Variants in KIAA0753 observed in about 807,000 individuals in gnomAD.
The protein encoded by KIAA0753 is KIAA0753, also known as protein moonraker.
KIAA0753 carries 114 observed loss-of-function variants against 116.9 expected under a neutral mutation model. The observed-to-expected ratio is 0.98, with a 90% confidence interval of 0.84 to 1.14. KIAA0753 has a LOEUF of 1.14. Among genes scored for constraint, KIAA0753 ranks in the 50% most tolerant of loss-of-function variants. The probability of loss-of-function intolerance (pLI) is 0.00; values close to 1 mark genes in which losing one functional copy is unlikely to be tolerated. For synonymous variants in KIAA0753, 405 were observed against 413.1 expected, an observed-to-expected ratio of 0.98 and a Z score of 0.24; for missense variants, 1,156 against 1,172.4, an observed-to-expected ratio of 0.99 and a Z score of 0.20.
chr17:6,591,943 T>C (rs1049445999), intron 16 of KIAA0753, among the ~76,000 whole-genome samples: 3 of 152,244 alleles, frequency 2.0e-5, no homozygotes, highest in African/African-American at 4.8e-5. Context: ...TTGAGAGAGA[T>C]GAGACACCTT....
At chr17:6,624,719 G>T in intron 4 of KIAA0753, 36 bp downstream of exon 4, 1 of 1,370,086 alleles carries the variant, frequency 7.3e-7, no homozygotes. Context: ...CAGTACACAA[G>T]GCTGACTGCC....
Position 6,607,186 on chromosome 17 carries a change from T to C in KIAA0753, c.1914A>G (p.Lys638=). ...LKAKEIDSMQ[K]QRLDWLDAET... ...ACTCAGAAGCAAATATTTACCTCTG[T>C]TTTTGCATGCTGTCAATTTCCTTGG... Residue 638 remains lysine, a synonymous_variant, in exon 11 of 19, where the codon AAA becomes AAG. Coordinates refer to ENST00000361413, the MANE Select transcript of KIAA0753 (RefSeq NM_014804.3). 6.2e-7 allele frequency: 1 copy of C among 1,613,494 alleles called. No homozygotes were observed. The highest frequency in any genetic ancestry group is 8.5e-7 in the Non-Finnish European group (1 of 1,179,392).
chr17:6,585,320 T>A (rs1053926183), intron 18 of KIAA0753, among the ~76,000 whole-genome samples: 4 of 152,248 alleles, frequency 2.6e-5, no homozygotes, highest in African/African-American at 9.6e-5. Flanking sequence ...TTCCTTTTCA[T>A]AATGATGTGC....
At chr17:6,621,981 A>C (rs1411431633) in intron 6 of KIAA0753, among the ~76,000 whole-genome samples, 1 of 152,212 alleles carries the variant, frequency 6.6e-6, no homozygotes. Context: ...CTGTGAAGGC[A>C]GAAGTGGCCT....
rs775386526 is a variant in KIAA0753 at position 6,627,877 on chromosome 17, T to G, written c.718+240A>C. On this transcript the variant is annotated intron_variant, in intron 3 of 18. Transcript: ENST00000361413. Reference sequence around the variant, plus strand: ...GCTGGGCCCTCAGTCAGTGGACATTTGAAGGGCAGCCACAGTGAAGAAGTT... The same window carrying G: ...GCTGGGCCCTCAGTCAGTGGACATTGGAAGGGCAGCCACAGTGAAGAAGTT... Among the ~76,000 whole-genome samples the G allele has an allele frequency of 1.1e-4, 16 of 152,316 alleles. No individual in the cohort carries two copies. The East Asian group carries it at 1.9e-3, about 18-fold the overall frequency.
chr17:6,624,554 A>ACGCACACACACACACACACG (rs112439852), intron 4 of KIAA0753, among the ~76,000 whole-genome samples: 1 of 151,748 alleles, frequency 6.6e-6, no homozygotes, highest in Non-Finnish European at 1.5e-5. Context: ...ACACACACAC[A>ACGCACACACACACACACACG]CACACACACA....
At chr17:6,602,886 A>G (rs948352198) in intron 12 of KIAA0753, among the ~76,000 whole-genome samples, 2 of 152,204 alleles carry the variant, frequency 1.3e-5, no homozygotes, top group African/African-American at 2.4e-5. Context: ...GAAGATAGCC[A>G]AGATTACTAG....
At chr17:6,605,874 T>C (rs1970165742) in intron 12 of KIAA0753, among the ~76,000 whole-genome samples, 1 of 152,170 alleles carries the variant, frequency 6.6e-6, no homozygotes, top group Admixed American at 6.5e-5. Flanking sequence ...GTGATATGTT[T>C]AATTTCTGAA....
At chr17:6,620,710 C>T in intron 7 of KIAA0753, 78 bp downstream of exon 7, 1 of 1,411,366 alleles carries the variant, frequency 7.1e-7, no homozygotes, top group Non-Finnish European at 1.0e-6. Context: ...CTGACTTTCC[C>T]CTCAGTGCAG....
At chr17:6,612,528 A>G (rs539235764) in intron 7 of KIAA0753, among the ~76,000 whole-genome samples, 3 of 152,306 alleles carry the variant, frequency 2.0e-5, no homozygotes, top group Non-Finnish European at 4.4e-5. Context: ...TTATCTTCAC[A>G]CTGTCTTCTG....
chr17:6,635,889 G>A (rs1567593948), intron 1 of KIAA0753: 3 of 152,172 alleles, frequency 2.0e-5, no homozygotes, highest in Non-Finnish European at 4.4e-5. Context: ...GTCTCATACT[G>A]TTATTTACCT....
chr17:6,594,178 G>C (rs1195228204), intron 16 of KIAA0753, among the ~76,000 whole-genome samples: 1 of 152,030 alleles, frequency 6.6e-6, no homozygotes, highest in Non-Finnish European at 1.5e-5. Context: ...CCAAAATTTA[G>C]GAGCTGAAAG....
chr17:6,596,262 C>T lies in KIAA0753; in HGVS notation c.2254G>A (p.Val752Met). The T allele has an allele frequency of 6.2e-7, 1 of 1,613,660 alleles. No homozygotes were observed. The highest frequency in any genetic ancestry group is 8.5e-7 in the Non-Finnish European group (1 of 1,179,848). The change falls in exon 15 of 19, where the codon GTG becomes ATG. Residue 752 changes from valine (V) to methionine (M), a missense_variant. Physicochemically the swap from Val to Met is conservative, Grantham distance 21. Transcript: ENST00000361413. The stretch of plus-strand genomic sequence containing the variant: ...GACCCCAAGATCTTAGCATGAGTCA[C>T]AGCCCAGAGCTCACTGGCACAATCT... ...LEDCASELWA[V>M]THAKILGSET...
At chr17:6,583,431 G>A (rs557667044) in intron 18 of KIAA0753, among the ~76,000 whole-genome samples, 1 of 152,110 alleles carries the variant, frequency 6.6e-6, no homozygotes, top group Non-Finnish European at 1.5e-5. Context: ...TATCTCTTGG[G>A]ATGTTGTTTG....
At chr17:6,600,959 A>C (rs1335634074) in intron 12 of KIAA0753, 5 of 157,548 alleles carry the variant, frequency 3.2e-5, no homozygotes, top group African/African-American at 1.2e-4. Flanking sequence ...GAGAAAGCTG[A>C]CTTCTCCCAT....
intron 12 of KIAA0753, among the ~76,000 whole-genome samples, chr17:6,603,949 C>T (rs537468757): frequency 4.6e-4 from 70 of 152,306 alleles, no homozygotes; most frequent in African/African-American, 1.5e-3. Context: ...GGCCACTATA[C>T]ACCCATCAGA....
At chr17:6,583,260 C>A (rs1267915054) in intron 18 of KIAA0753, among the ~76,000 whole-genome samples, 1 of 152,102 alleles carries the variant, frequency 6.6e-6, no homozygotes, top group East Asian at 1.9e-4. Flanking sequence ...TTTTGTTTAT[C>A]TTGATTTTTC....
chr17:6,618,294 C>A (rs1039520547), intron 7 of KIAA0753, among the ~76,000 whole-genome samples: 1 of 152,122 alleles, frequency 6.6e-6, no homozygotes, highest in African/African-American at 2.4e-5. Context: ...TTCTATAACA[C>A]CCTTTATGAT....
chr17:6,588,680 T>C (rs1338957463), intron 18 of KIAA0753, among the ~76,000 whole-genome samples: 2 of 152,184 alleles, frequency 1.3e-5, no homozygotes, highest in East Asian at 3.8e-4. Context: ...AATTATAGTA[T>C]ACTACTTAGC....
Sources: gnomAD v4.1 joint callset for allele counts (sites outside exome capture counted in the v4.1 genomes callset) on GRCh38, gnomAD v4.1.1 for gene constraint, MANE v1.5 for transcripts, NCBI Gene and HGNC (gene_info 2026-07-23, HGNC 2026-07-21) for gene names.